The following CXCL16 variants were observed in gnomAD, a reference collection of about 807,000 sequenced individuals.
The protein encoded by CXCL16 is C-X-C motif chemokine ligand 16.
Under a neutral mutation model 23.8 loss-of-function variants are expected in CXCL16, and 18 were observed. The observed-to-expected ratio is 0.76, with a 90% CI of 0.52 to 1.12. CXCL16 has a LOEUF of 1.12. Ranked by LOEUF, CXCL16 falls within the 50% of genes most tolerant of loss-of-function variation. The pLI, the probability that CXCL16 is intolerant of heterozygous loss-of-function variation, is 0.00. For missense variants in CXCL16, 297 were observed against 315.4 expected, an observed-to-expected ratio of 0.94 and a Z score of 0.44; for synonymous variants, 123 against 132.5, an observed-to-expected ratio of 0.93 and a Z score of 0.49.
At position 4,735,441 on chromosome 17, in the gene CXCL16, A is replaced by T; in HGVS notation, c.369T>A (p.Ile123=). Residue 123 remains isoleucine, a synonymous_variant, in exon 4 of 6, where the codon ATT becomes ATA. Coordinates refer to ENST00000293778, the MANE Select transcript of CXCL16 (RefSeq NM_001386809.1). ...QKHLLPTSPP[I]SQASEGASSD... ...AAGATGCCCCCTCTGAGGCCTGAGA[A>T]ATTGGGGGGCTGGTAGGAAGTAAAT... The T allele has an allele frequency of 2.6e-6, 4 of 1,520,184 alleles. No homozygotes were observed. The highest frequency in any genetic ancestry group is 3.5e-6 in the Non-Finnish European group (4 of 1,130,806). 94.2% of individuals were successfully genotyped at this position (1,520,184 alleles called of 1,614,324 possible). A position where few individuals can be genotyped will look rare whatever the true frequency, so the allele number is the denominator to read the frequency against.
Position 4,739,814 on chromosome 17 carries a change from T to G in CXCL16, c.-475A>C. 1 of 994,332 alleles carries G rather than the reference T, an allele frequency of 1.0e-6. No individual in the cohort carries two copies. Among genetic ancestry groups the G allele is most frequent in the Non-Finnish European group, 1.2e-6 (1 of 835,768 alleles). The allele number at this position is 994,332 out of a possible 1,614,324, so 61.6% of individuals were successfully genotyped here. A position where few individuals can be genotyped will look rare whatever the true frequency, so the allele number is the denominator to read the frequency against. On this transcript the variant is annotated 5_prime_UTR_variant, in exon 1 of 6. Transcript: ENST00000293778. This position sits in a 1 kb window ranked among gnomAD's most constrained non-coding sequence, Gnocchi z 5.3. ...CTCCGAGGCACTTTCACTTCCCCGA[T>G]CCGGGCGCCGCGGGACCCAGCCGCG...
intron 3 of CXCL16, among the ~76,000 whole-genome samples, chr17:4,736,917 A>G (rs1025311663): frequency 2.0e-5 from 3 of 152,072 alleles, no homozygotes; most frequent in Non-Finnish European, 2.9e-5. Flanking sequence ...CTCCAGGTTC[A>G]AGTGATTCTC....
chr17:4,737,485 C>G (rs1916187528), intron 3 of CXCL16, among the ~76,000 whole-genome samples: 1 of 143,968 alleles, frequency 6.9e-6, no homozygotes, highest in South Asian at 2.2e-4. Context: ...AAGGCTGTGG[C>G]AGGAGAATTG....
At chr17:4,736,102 AG>A (rs997861424) in intron 3 of CXCL16, among the ~76,000 whole-genome samples, 11 of 151,902 alleles carry the variant, frequency 7.2e-5, no homozygotes, top group African/African-American at 2.7e-4. Context: ...TTGGACAAAA[AG>A]GGTATGATCT....
Position 4,738,818 on chromosome 17 carries a change from T to G in CXCL16, c.182A>C (p.His61Pro), listed in dbSNP as rs1187155141. 1 of 1,614,070 alleles carries G rather than the reference T, an allele frequency of 6.2e-7. No individual in the cohort carries two copies. The highest frequency in any genetic ancestry group is 8.5e-7 in the Non-Finnish European group (1 of 1,179,968). The change falls in exon 2 of 6, where the codon CAC becomes CCC. Residue 61 changes from histidine to proline, a missense_variant. Transcript: ENST00000293778. This position sits in a 1 kb window ranked among gnomAD's most constrained non-coding sequence, Gnocchi z 4.0. ...TAGACACCGATGGTAAGCTCTCAGG[T>G]GTTTCCGGAGACGATTCATGAACTG... ...SVQFMNRLRK[H>P]LRAYHRCLYY...
chr17:4,734,355 T>G lies in CXCL16; in HGVS notation c.*148A>C. The G allele has an allele frequency of 2.5e-6, 1 of 404,696 alleles. No individual in the cohort carries two copies. Among genetic ancestry groups the G allele is most frequent in the South Asian group, 2.5e-5 (1 of 40,186 alleles). 25.1% of individuals were successfully genotyped at this position (404,696 alleles called of 1,614,324 possible). On this transcript the variant is annotated 3_prime_UTR_variant, in exon 6 of 6. Transcript: ENST00000293778. ...GGCTGGTTAGTCCTATGTTAGATAT[T>G]AACAAATACGTGTAGGCTGGATGTG...
chr17:4,737,736 A>T (rs1034332376), intron 3 of CXCL16, among the ~76,000 whole-genome samples: 1 of 151,296 alleles, frequency 6.6e-6, no homozygotes, highest in African/African-American at 2.4e-5. Context: ...TAAAATATAC[A>T]TATATAAATA....
In CXCL16 at chr17:4,733,852, GC is replaced by G. The variant is rs1916071211; in HGVS notation, c.*650del. The stretch of plus-strand genomic sequence containing the variant: ...CAGGAATCACAGTAAGGGCGCAAGG[GC>G]TGAGGCCAGTTGTTTCCATAAAGAA... On this transcript the variant is annotated 3_prime_UTR_variant, in exon 6 of 6. Transcript: ENST00000293778. 6.5e-6 allele frequency: 1 copy of G among 152,710 alleles called. No individual in the cohort carries two copies. Among genetic ancestry groups the G allele is most frequent in the African/African-American group, 2.4e-5 (1 of 41,448 alleles). 9.5% of individuals were successfully genotyped at this position (152,710 alleles called of 1,614,324 possible).
chr17:4,735,321 C>T lies in CXCL16; in HGVS notation c.489G>A (p.Glu163=), dbSNP rs1334920952. The part of the protein sequence containing the change: ...LPVGSLSSDK[E]LTRPNETTIH... ...TGGTGGTTTCATTGGGACGAGTGAGCTCTTTGTCCGAGGACAGTGATCCTA... is the reference window on the plus strand; with the variant it reads ...TGGTGGTTTCATTGGGACGAGTGAGTTCTTTGTCCGAGGACAGTGATCCTA... Residue 163 remains glutamate, a synonymous_variant, in exon 4 of 6, where the codon GAG becomes GAA. Transcript: ENST00000293778. 3 of 1,612,920 alleles carry T rather than the reference C, an allele frequency of 1.9e-6. No individual in the cohort carries two copies. Among genetic ancestry groups the T allele is most frequent in the Non-Finnish European group, 2.5e-6 (3 of 1,179,306 alleles).
In CXCL16 at chr17:4,738,450, CCT is replaced by C; in HGVS notation, c.257_258del (p.Lys86ArgfsTer12). On this transcript the variant is annotated frameshift_variant, in exon 3 of 6. Coordinates refer to ENST00000293778, the MANE Select transcript of CXCL16 (RefSeq NM_001386809.1). LOFTEE classifies it high-confidence loss of function. The surrounding 1 kb of genome is among the most constrained non-coding windows in gnomAD (Gnocchi z 4.0). ...LLSWSVCGGNKDPWVQELMSC... is the reference protein window; with the variant it reads ...LLSWSVCGGNXDPWVQELMSC... ...CTCATCAATTCCTGAACCCATGGGT[CCT>C]TGTTGCCCCCACACACGCTCCAGGA... 3.7e-6 allele frequency: 6 copies of C among 1,614,120 alleles called. No individual in the cohort carries two copies. The highest frequency in any genetic ancestry group is 3.4e-6 in the Non-Finnish European group (4 of 1,179,966).
chr17:4,735,551 A>C (rs1401231352), intron 3 of CXCL16, 43 bp from the exon 4 acceptor site: 1 of 1,466,916 alleles, frequency 6.8e-7, no homozygotes, highest in African/African-American at 1.4e-5. Flanking sequence ...TCAGGAGACA[A>C]GGTGAAAAAG....
chr17:4,739,539 C>A lies in CXCL16; in HGVS notation c.-200G>T. The A allele has an allele frequency of 1.3e-6, 1 of 776,416 alleles. No homozygotes were observed. The highest frequency in any genetic ancestry group is 1.8e-5 in the South Asian group (1 of 54,060). 48.1% of individuals were successfully genotyped at this position (776,416 alleles called of 1,614,324 possible). ...CGTGCGCTCAGTACTCGGCCCGCGCCATGCCAGCCTCTGGACGCAGGGAAA... is the reference window on the plus strand; with the variant it reads ...CGTGCGCTCAGTACTCGGCCCGCGCAATGCCAGCCTCTGGACGCAGGGAAA... On this transcript the variant is annotated 5_prime_UTR_variant, in exon 1 of 6. An upstream start codon of the reference 5' UTR is lost. Transcript: ENST00000293778. The surrounding 1 kb of genome is among the most constrained non-coding windows in gnomAD (Gnocchi z 5.3).
chr17:4,739,672 CGAG>C lies in CXCL16; in HGVS notation c.-336_-334del, dbSNP rs1279945192. On this transcript the variant is annotated 5_prime_UTR_variant, in exon 1 of 6. Transcript: ENST00000293778. The surrounding 1 kb of genome is among the most constrained non-coding windows in gnomAD (Gnocchi z 5.3). ...ACCGAAAGAAAACTCCGGCGGCGGG[CGAG>C]GAGGGGCGGGAGGACGACGGCCCGA... 3.3e-5 allele frequency: 23 copies of C among 700,662 alleles called. No individual in the cohort carries two copies. Among genetic ancestry groups the C allele is most frequent in the Non-Finnish European group, 4.8e-5 (23 of 476,246 alleles). The allele number at this position is 700,662 out of a possible 1,614,324, so 43.4% of individuals were successfully genotyped here. A position where few individuals can be genotyped will look rare whatever the true frequency, so the allele number is the denominator to read the frequency against.
chr17:4,738,365 A>C lies in CXCL16; in HGVS notation c.301+43T>G. The C allele has an allele frequency of 6.7e-7, 1 of 1,494,810 alleles. No homozygotes were observed. The highest frequency in any genetic ancestry group is 9.3e-7 in the Non-Finnish European group (1 of 1,071,158). 92.6% of individuals were successfully genotyped at this position (1,494,810 alleles called of 1,614,324 possible). ...AGAAAACTGTCAGGTGGAAGCTGCT[A>C]AGCCCTGGAGGCAGAGCCTGAAGAG... On this transcript the variant is annotated intron_variant, in intron 3 of 5. Coordinates refer to ENST00000293778, the MANE Select transcript of CXCL16 (RefSeq NM_001386809.1). This position sits in a 1 kb window ranked among gnomAD's most constrained non-coding sequence, Gnocchi z 4.0.
In CXCL16 at chr17:4,738,564, T is replaced by C. The variant is rs1403267831; in HGVS notation, c.219-74A>G. The C allele has an allele frequency of 8.1e-7, 1 of 1,239,602 alleles. No individual in the cohort carries two copies. Among genetic ancestry groups the C allele is most frequent in the Non-Finnish European group, 1.2e-6 (1 of 867,096 alleles). 76.8% of individuals were successfully genotyped at this position (1,239,602 alleles called of 1,614,324 possible). A position where few individuals can be genotyped will look rare whatever the true frequency, so the allele number is the denominator to read the frequency against. On this transcript the variant is annotated intron_variant, in intron 2 of 5. Transcript: ENST00000293778. This position sits in a 1 kb window ranked among gnomAD's most constrained non-coding sequence, Gnocchi z 4.0. ...CGGCTCCTTCCTCATTCCAGAGGCGTGAAGTTGCCACCAAGAAAGAGCCCT... is the reference window on the plus strand; with the variant it reads ...CGGCTCCTTCCTCATTCCAGAGGCGCGAAGTTGCCACCAAGAAAGAGCCCT...
At chr17:4,734,887 T>C (rs994234349) in intron 4 of CXCL16, among the ~76,000 whole-genome samples, 3 of 152,224 alleles carry the variant, frequency 2.0e-5, no homozygotes, top group African/African-American at 7.2e-5. Flanking sequence ...GCACTAGTCC[T>C]TGTGCCTGTG....
intron 3 of CXCL16, among the ~76,000 whole-genome samples, chr17:4,737,632 G>A (rs1356051764): frequency 6.7e-6 from 1 of 148,530 alleles, no homozygotes; most frequent in Non-Finnish European, 1.5e-5. Flanking sequence ...GATGGATGAT[G>A]GATAGAAGAA....
chr17:4,739,253 C>T lies in CXCL16; in HGVS notation c.79+8G>A. ...GAATCTGGGTCCCCTGCCCCGCCCC[C>T]GGCTAACCTGGCTGAGTCAGGTACA... On this transcript the variant is annotated splice_region_variant and intron_variant, in intron 1 of 5. Transcript: ENST00000293778. The surrounding 1 kb of genome is among the most constrained non-coding windows in gnomAD (Gnocchi z 5.3). The T allele has an allele frequency of 1.3e-6, 2 of 1,592,394 alleles. No individual in the cohort carries two copies. Among genetic ancestry groups the T allele is most frequent in the Non-Finnish European group, 1.7e-6 (2 of 1,169,198 alleles).
chr17:4,734,951 G>A, intron 4 of CXCL16, 141 bp downstream of exon 4: 1 of 806,678 alleles, frequency 1.2e-6, no homozygotes, highest in Non-Finnish European at 1.9e-6. Flanking sequence ...GTCCTCAGAG[G>A]GCCCAGAGTC....
Sources: allele counts gnomAD v4.1 joint callset (sites outside exome capture counted in the v4.1 genomes callset), GRCh38; gene constraint gnomAD v4.1.1; non-coding constraint Gnocchi (gnomAD v3.1); transcripts MANE v1.5; gene names NCBI Gene and HGNC (gene_info 2026-07-23, HGNC 2026-07-21).